PTP4A1: variants seen among roughly 807,000 people sequenced by gnomAD.
The protein encoded by PTP4A1 is protein tyrosine phosphatase 4A1.
Under a neutral mutation model 20.5 loss-of-function variants are expected in PTP4A1, and 9 were observed. That is an observed-to-expected ratio of 0.44 (90% CI 0.26 to 0.77). PTP4A1 has a LOEUF of 0.77. Among genes scored for constraint, PTP4A1 ranks in the 30% least tolerant of loss-of-function variants. The pLI is 0.19. For synonymous variants in PTP4A1, 78 were observed against 67.4 expected, an observed-to-expected ratio of 1.16 and a Z score of -0.77; for missense variants, 137 against 218.8, an observed-to-expected ratio of 0.63 and a Z score of 2.36.
At chr6:63,546,601 G>A (rs1186097480) in intron 2 of PTP4A1, among the ~76,000 whole-genome samples, 1 of 152,078 alleles carries the variant, frequency 6.6e-6, no homozygotes. Context: ...AGCTACTTGG[G>A]AGGCTGAGGC....
intron 3 of PTP4A1, among the ~76,000 whole-genome samples, chr6:63,552,728 G>C (rs1407477892): frequency 6.6e-6 from 1 of 152,144 alleles, no homozygotes; most frequent in Admixed American, 6.6e-5. Context: ...GTAAGGAAGG[G>C]ATCCAGTTTC....
chr6:63,520,431 A>G (rs1166668568), upstream of PTP4A1, among the ~76,000 whole-genome samples: 1 of 152,158 alleles, frequency 6.6e-6, no homozygotes, highest in African/African-American at 2.4e-5. Flanking sequence ...GTTCAAGACC[A>G]GCCTGGCCAA....
intron 2 of PTP4A1, among the ~76,000 whole-genome samples, chr6:63,533,139 TG>T (rs1212648127): frequency 1.3e-5 from 2 of 152,186 alleles, no homozygotes; most frequent in Non-Finnish European, 2.9e-5. Context: ...CCCAGCACTT[TG>T]GGAGGCTGAG....
At chr6:63,549,401 T>A in intron 2 of PTP4A1, 1 of 753,234 alleles carries the variant, frequency 1.3e-6, no homozygotes, top group East Asian at 2.5e-5. Context: ...TCAAAATTCT[T>A]AGGCCGTTTC....
intron 2 of PTP4A1, 135 bp from the exon 3 acceptor site, chr6:63,578,302 A>C (rs1778002679): frequency 1.8e-6 from 2 of 1,133,212 alleles, no homozygotes; most frequent in Non-Finnish European, 1.1e-6. Context: ...GTTAAACATA[A>C]ATGGATTCTA....
chr6:63,542,061 GTA>G (rs34410399), intron 2 of PTP4A1, among the ~76,000 whole-genome samples: 57 of 135,494 alleles, frequency 4.2e-4, no homozygotes, highest in Middle Eastern at 3.9e-3. Flanking sequence ...GTGTGTGTGT[GTA>G]TACATACACA....
Position 63,581,916 on chromosome 6 carries a change from C to T in PTP4A1, c.*1742C>T, listed in dbSNP as rs978776401. ...TGATCCACAATAATCCCTTTGATCA[C>T]GTTAATCTAAATCTAGATGTCTTTG... is the stretch of plus-strand genomic sequence containing the variant. On this transcript the variant is annotated 3_prime_UTR_variant, in exon 6 of 6. Transcript: ENST00000626021. The T allele has an allele frequency of 1.3e-5, 2 of 152,228 alleles. No homozygotes were observed. Among genetic ancestry groups the T allele is most frequent in the African/African-American group, 2.4e-5 (1 of 41,554 alleles). The allele number at this position is 152,228 out of a possible 1,614,324, so 9.4% of individuals were successfully genotyped here.
At chr6:63,539,018 A>G (rs925832411) in intron 2 of PTP4A1, among the ~76,000 whole-genome samples, 1 of 151,920 alleles carries the variant, frequency 6.6e-6, no homozygotes, top group Non-Finnish European at 1.5e-5. Context: ...TCAGCTTCCC[A>G]CATAGCTGGG....
chr6:63,533,865 G>A (rs777374423), intron 2 of PTP4A1, among the ~76,000 whole-genome samples: 1 of 144,728 alleles, frequency 6.9e-6, no homozygotes, highest in Non-Finnish European at 1.5e-5. Flanking sequence ...AATTTTTGAG[G>A]TAGGGTCTCA....
At chr6:63,547,179 A>AG (rs1204627768) in intron 2 of PTP4A1, among the ~76,000 whole-genome samples, 2 of 149,384 alleles carry the variant, frequency 1.3e-5, no homozygotes, top group African/African-American at 4.9e-5. Flanking sequence ...ACAGGCTAGT[A>AG]GGGGGGAATT....
At chr6:63,558,550 G>T (rs1935915556) in intron 3 of PTP4A1, among the ~76,000 whole-genome samples, 1 of 152,194 alleles carries the variant, frequency 6.6e-6, no homozygotes, top group Non-Finnish European at 1.5e-5. Context: ...TCTCATGGGG[G>T]AAGAGAGATT....
upstream of PTP4A1, among the ~76,000 whole-genome samples, chr6:63,520,692 A>C (rs947083220): frequency 9.9e-5 from 15 of 151,806 alleles, no homozygotes; most frequent in African/African-American, 3.4e-4. Flanking sequence ...AGATATCTGA[A>C]AAAAAAGACT....
At chr6:63,526,675 G>A (rs1295025470) in intron 1 of PTP4A1, among the ~76,000 whole-genome samples, 1 of 151,334 alleles carries the variant, frequency 6.6e-6, no homozygotes, top group African/African-American at 2.4e-5. Flanking sequence ...GGACGTGGTG[G>A]CGTGTGCCTG....
intron 2 of PTP4A1, among the ~76,000 whole-genome samples, chr6:63,547,602 T>C (rs1776253894): frequency 6.7e-6 from 1 of 148,666 alleles, no homozygotes; most frequent in South Asian, 2.2e-4. Flanking sequence ...GCCTCCCGGG[T>C]TCATTCCATT....
At chr6:63,575,685 T>A (rs1777808518) in intron 1 of PTP4A1, among the ~76,000 whole-genome samples, 1 of 152,192 alleles carries the variant, frequency 6.6e-6, no homozygotes. Flanking sequence ...AAATTATGAA[T>A]ATTTTCTTTA....
chr6:63,544,866 T>C (rs1306633252), intron 2 of PTP4A1, among the ~76,000 whole-genome samples: 2 of 152,208 alleles, frequency 1.3e-5, no homozygotes, highest in Non-Finnish European at 2.9e-5. Context: ...GTCATGGTGA[T>C]GGCTACCAGA....
chr6:63,572,915 C>T (rs1333963455), intron 1 of PTP4A1, among the ~76,000 whole-genome samples, 196 bp downstream of exon 1: 1 of 152,072 alleles, frequency 6.6e-6, no homozygotes, highest in Non-Finnish European at 1.5e-5. Flanking sequence ...GAGGCAGATG[C>T]CGGGCCCCTC....
intron 2 of PTP4A1, among the ~76,000 whole-genome samples, chr6:63,530,583 A>G (rs934928878): frequency 9.2e-5 from 14 of 152,204 alleles, no homozygotes; most frequent in Non-Finnish European, 1.0e-4. Flanking sequence ...ATTTGTGAAC[A>G]TGGAGGCCCT....
At chr6:63,524,076 G>T (rs1015781853) in intron 1 of PTP4A1, among the ~76,000 whole-genome samples, 2 of 152,024 alleles carry the variant, frequency 1.3e-5, no homozygotes, top group Non-Finnish European at 2.9e-5. Context: ...TTGCCTCCCA[G>T]GTTCAAGTGA....
Sources: allele counts gnomAD v4.1 joint callset (sites outside exome capture counted in the v4.1 genomes callset), GRCh38; gene constraint gnomAD v4.1.1; transcripts MANE v1.5; gene names NCBI Gene and HGNC (gene_info 2026-07-23, HGNC 2026-07-21).